The following POLR3D variants were observed in gnomAD, a reference collection of about 807,000 sequenced individuals.
POLR3D encodes DNA-directed RNA polymerase III subunit RPC4.
POLR3D carries 42 observed loss-of-function variants against 44.5 expected under a neutral mutation model. That is an observed-to-expected ratio of 0.94 (90% CI 0.74 to 1.22). The LOEUF (loss-of-function observed/expected upper bound fraction) is 1.22, where lower values mean the gene tolerates loss of function less well. Ranked by LOEUF, POLR3D falls within the 50% of genes most tolerant of loss-of-function variation. POLR3D has a pLI of 0.00. For missense variants in POLR3D, 507 were observed against 505.2 expected (o/e 1.00, Z -0.03); for synonymous variants, 217 against 198.1 (o/e 1.10, Z -0.80).
rs1447213514 is a variant in POLR3D at position 22,248,509 on chromosome 8, A to G, written c.515A>G (p.Asp172Gly). 3 of 1,614,176 alleles carry G rather than the reference A, an allele frequency of 1.9e-6. No individual in the cohort carries two copies. The highest frequency in any genetic ancestry group is 1.1e-5 in the South Asian group (1 of 91,084). Residue 172 changes from aspartate to glycine, a missense_variant, in exon 6 of 9, where the codon GAC becomes GGC. By Grantham distance (94) the Asp-to-Gly change is moderately conservative (BLOSUM62 -1). Transcript: ENST00000306433. ...CTCGATGACCCCGGCCTGAGGAACG[A>G]CACTCGAAATATGCCTGTGCAGCTG... is the stretch of plus-strand genomic sequence containing the variant. ...DFLDDPGLRN[D>G]TRNMPVQLPL... is the part of the protein sequence containing the mutation.
intron 4 of POLR3D, 43 bp from the exon 5 acceptor site, chr8:22,248,111 A>G (rs951641315): frequency 1.6e-5 from 25 of 1,611,172 alleles, no homozygotes; most frequent in Non-Finnish European, 2.0e-5. Flanking sequence ...GCTGTTGGGC[A>G]TCTTCCTTAT....
chr8:22,250,799 C>A lies in POLR3D; in HGVS notation c.*281C>A. Reference sequence around the variant, plus strand: ...TTAATCTCTTCCACTGATGCATCCTCCAAGGGTAGATGGGGAGGGTCTGTG... The same window carrying A: ...TTAATCTCTTCCACTGATGCATCCTACAAGGGTAGATGGGGAGGGTCTGTG... On this transcript the variant is annotated 3_prime_UTR_variant, in exon 9 of 9. Coordinates refer to ENST00000306433, the MANE Select transcript of POLR3D (RefSeq NM_001722.3). 2.5e-6 allele frequency: 1 copy of A among 405,336 alleles called. No homozygotes were observed. Among genetic ancestry groups the A allele is most frequent in the Admixed American group, 3.6e-5 (1 of 27,984 alleles). The allele number at this position is 405,336 out of a possible 1,614,324, so 25.1% of individuals were successfully genotyped here. A position where few individuals can be genotyped will look rare whatever the true frequency, so the allele number is the denominator to read the frequency against.
chr8:22,247,142 C>T, intron 2 of POLR3D, 79 bp from the exon 3 acceptor site: 1 of 1,070,778 alleles, frequency 9.3e-7, no homozygotes, highest in Non-Finnish European at 1.4e-6. Context: ...GTAGAAGATG[C>T]CCTTTGGGAA....
Position 22,250,212 on chromosome 8 carries a change from C to T in POLR3D, c.1059C>T (p.Ala353=). ...CTCTGGACGTGACCATGGGAACTGC[C>T]TGCTCCTTCCTGCAGGTAAGAGCCT... ...KVTLDVTMGT[A]CSFLQELVSV... The change falls in exon 8 of 9, where the codon GCC becomes GCT. Residue 353 remains alanine, a synonymous_variant. Coordinates refer to ENST00000306433, the MANE Select transcript of POLR3D (RefSeq NM_001722.3). The T allele has an allele frequency of 6.2e-7, 1 of 1,614,160 alleles. No homozygotes were observed. The highest frequency in any genetic ancestry group is 8.5e-7 in the Non-Finnish European group (1 of 1,180,016).
intron 4 of POLR3D, 50 bp from the exon 5 acceptor site, chr8:22,248,104 G>A (rs758543410): frequency 2.5e-6 from 4 of 1,610,368 alleles, no homozygotes; most frequent in Non-Finnish European, 3.4e-6. Flanking sequence ...TTTCCTTGCT[G>A]TTGGGCATCT....
At chr8:22,246,410 G>A (rs995196153) in intron 2 of POLR3D, among the ~76,000 whole-genome samples, 14 of 151,608 alleles carry the variant, frequency 9.2e-5, no homozygotes, top group Non-Finnish European at 1.5e-4. Flanking sequence ...GATTACAGGT[G>A]TGAGCCACCG....
intron 1 of POLR3D, 30 bp downstream of exon 1, chr8:22,245,213 C>T (rs1294827351): frequency 3.0e-5 from 17 of 561,872 alleles, no homozygotes; most frequent in Non-Finnish European, 6.5e-6. Context: ...TGTGGAGCCG[C>T]GGCCCGGGTG....
intron 1 of POLR3D, 88 bp from the exon 2 acceptor site, chr8:22,245,357 C>T: frequency 9.9e-7 from 1 of 1,012,230 alleles, no homozygotes; most frequent in Admixed American, 3.8e-5. Flanking sequence ...GACGCACCGA[C>T]TGGGGGACCG....
Position 22,253,028 on chromosome 8 carries a change from C to G in POLR3D, c.*2510C>G, listed in dbSNP as rs1423891052. 1 of 152,102 alleles carries G rather than the reference C, an allele frequency of 6.6e-6. No individual in the cohort carries two copies. Among genetic ancestry groups the G allele is most frequent in the East Asian group, 1.9e-4 (1 of 5,198 alleles). The allele number at this position is 152,102 out of a possible 1,614,324, so 9.4% of individuals were successfully genotyped here. A position where few individuals can be genotyped will look rare whatever the true frequency, so the allele number is the denominator to read the frequency against. On this transcript the variant is annotated 3_prime_UTR_variant, in exon 9 of 9. Transcript: ENST00000306433. ...TTATTCGGTGCCAGACAGATAACTGCCTATAACAGGATGTGATCAGCACAA... is the reference window on the plus strand; with the variant it reads ...TTATTCGGTGCCAGACAGATAACTGGCTATAACAGGATGTGATCAGCACAA...
In POLR3D at chr8:22,248,619, G is replaced by A; in HGVS notation, c.625G>A (p.Asp209Asn). ...KPWLAGPKEE[D>N]MEVDIPAVKV... ...TTGGCTGGCTGGCCCCAAGGAAGAG[G>A]ACATGGAGGTGGACATACCTGCTGT... is the stretch of plus-strand genomic sequence containing the variant. The change falls in exon 6 of 9, where the codon GAC becomes AAC. Residue 209 changes from aspartate (D) to asparagine (N), a missense_variant. Coordinates refer to ENST00000306433, the MANE Select transcript of POLR3D (RefSeq NM_001722.3). 2 of 1,613,978 alleles carry A rather than the reference G, an allele frequency of 1.2e-6. No homozygotes were observed. The highest frequency in any genetic ancestry group is 1.7e-6 in the Non-Finnish European group (2 of 1,180,008).
chr8:22,248,154 G>A lies in POLR3D; in HGVS notation c.362G>A (p.Gly121Glu), dbSNP rs201019123. 1.2e-6 allele frequency: 2 copies of A among 1,613,860 alleles called. No individual in the cohort carries two copies. Among genetic ancestry groups the A allele is most frequent in the African/African-American group, 2.7e-5 (2 of 75,002 alleles). ...QGPAEMMKKK[G>E]NWDKTVDVSD... is the part of the protein sequence containing the mutation. ...TAGTGACCTGGGTGATTTCCCACAG[G>A]GAACTGGGATAAGACAGTGGATGTG... The change falls in exon 5 of 9, where the codon GGG becomes GAG. Residue 121 changes from glycine to glutamate, a missense_variant and splice_region_variant. Physicochemically the swap from Gly to Glu is moderately conservative, Grantham distance 98. Transcript: ENST00000306433.
chr8:22,248,819 G>T (rs1291748036), intron 6 of POLR3D, among the ~76,000 whole-genome samples, 170 bp downstream of exon 6: 1 of 152,154 alleles, frequency 6.6e-6, no homozygotes, highest in East Asian at 1.9e-4. Context: ...CCTCGCAGAG[G>T]GTTCCTGTGT....
In POLR3D at chr8:22,249,131, ATG is replaced by A. The variant is rs754056573; in HGVS notation, c.745_746del (p.Val249IlefsTer71). 28 of 1,614,030 alleles carry A rather than the reference ATG, an allele frequency of 1.7e-5. No individual in the cohort carries two copies. Among genetic ancestry groups the A allele is most frequent in the Non-Finnish European group, 2.2e-5 (26 of 1,179,984 alleles). On this transcript the variant is annotated frameshift_variant, in exon 7 of 9. Coordinates refer to ENST00000306433, the MANE Select transcript of POLR3D (RefSeq NM_001722.3). LOFTEE classifies it high-confidence loss of function. ...AGGAAGACTCCAGGCCTCCCGAAGG[ATG>A]TATCTGTGGCAGAGCTGCTGAGGGA...
chr8:22,250,113 C>T lies in POLR3D; in HGVS notation c.960C>T (p.Asp320=), dbSNP rs1365942916. 1 of 1,614,174 alleles carries T rather than the reference C, an allele frequency of 6.2e-7. No homozygotes were observed. The highest frequency in any genetic ancestry group is 2.2e-5 in the East Asian group (1 of 44,864). Residue 320 remains aspartate (D), a synonymous_variant, in exon 8 of 9, where the codon GAC becomes GAT. Coordinates refer to ENST00000306433, the MANE Select transcript of POLR3D (RefSeq NM_001722.3). ...KLAENACTLA[D]LTEGQVGKLL... Reference sequence around the variant, plus strand: ...CAGAGAATGCTTGTACCCTGGCTGACCTGACAGAGGGTCAGGTTGGCAAGC... The same window carrying T: ...CAGAGAATGCTTGTACCCTGGCTGATCTGACAGAGGGTCAGGTTGGCAAGC...
chr8:22,249,055 C>T lies in POLR3D; in HGVS notation c.667C>T (p.Pro223Ser), dbSNP rs552734456. Residue 223 changes from proline (P) to serine (S), a missense_variant, in exon 7 of 9, where the codon CCA becomes TCA. Physicochemically the swap from Pro to Ser is moderately conservative, Grantham distance 74. Coordinates refer to ENST00000306433, the MANE Select transcript of POLR3D (RefSeq NM_001722.3). ...TATCACCCGGGCAGTGAAAGAGGAG[C>T]CACGAGATGAGGAGGAAGAGGCCAA... ...DIPAVKVKEE[P>S]RDEEEEAKMK... 6.3e-5 allele frequency: 101 copies of T among 1,613,672 alleles called. No individual in the cohort carries two copies. The East Asian group carries it at 1.9e-3, about 31-fold the overall frequency.
chr8:22,253,556 C>T lies in POLR3D; in HGVS notation c.*3038C>T, dbSNP rs1830122318. ...CTGCAATGTAAAATCATAAAGTATT[C>T]ATCTAGGCATAACTTTTTAAAATAT... On this transcript the variant is annotated 3_prime_UTR_variant, in exon 9 of 9. Coordinates refer to ENST00000306433, the MANE Select transcript of POLR3D (RefSeq NM_001722.3). 1 of 152,218 alleles carries T rather than the reference C, an allele frequency of 6.6e-6. No homozygotes were observed. Among genetic ancestry groups the T allele is most frequent in the South Asian group, 2.1e-4 (1 of 4,836 alleles). 9.4% of individuals were successfully genotyped at this position (152,218 alleles called of 1,614,324 possible).
chr8:22,249,052 G>T lies in POLR3D; in HGVS notation c.664G>T (p.Glu222Ter). The T allele has an allele frequency of 6.2e-7, 1 of 1,613,772 alleles. No homozygotes were observed. Among genetic ancestry groups the T allele is most frequent in the Non-Finnish European group, 8.5e-7 (1 of 1,179,896 alleles). Residue 222 changes from glutamate (E) to a stop codon, truncating the protein, a stop_gained, in exon 7 of 9, where the codon GAG becomes TAG. Coordinates refer to ENST00000306433, the MANE Select transcript of POLR3D (RefSeq NM_001722.3). LOFTEE classifies it high-confidence loss of function. Reference protein sequence around the residue: ...VDIPAVKVKEEPRDEEEEAKM... With the variant: ...VDIPAVKVKE ...GTCTATCACCCGGGCAGTGAAAGAG[G>T]AGCCACGAGATGAGGAGGAAGAGGC...
At chr8:22,247,295 C>A (rs992368487) in intron 3 of POLR3D, 31 bp downstream of exon 3, 1 of 1,571,570 alleles carries the variant, frequency 6.4e-7, no homozygotes, top group African/African-American at 1.4e-5. Context: ...AATACTTGCC[C>A]CTTATTTACT....
intron 7 of POLR3D, among the ~76,000 whole-genome samples, chr8:22,249,637 C>A (rs905539776): frequency 3.9e-5 from 6 of 152,116 alleles, no homozygotes; most frequent in African/African-American, 1.2e-4. Context: ...CGAGACTAGC[C>A]TGGGCAACGT....
Sources: gnomAD v4.1 joint callset for allele counts (sites outside exome capture counted in the v4.1 genomes callset) on GRCh38, gnomAD v4.1.1 for gene constraint, MANE v1.5 for transcripts, NCBI Gene and HGNC (gene_info 2026-07-23, HGNC 2026-07-21) for gene names.